SUMF1: variants seen among roughly 807,000 people sequenced by gnomAD.
SUMF1 encodes formylglycine-generating enzyme.
In SUMF1, 48 loss-of-function variants were observed where a neutral mutation model predicts 47.6. That is an observed-to-expected ratio of 1.01 (90% CI 0.80 to 1.28). SUMF1 has a LOEUF of 1.28. SUMF1 is among the 50% of genes most tolerant of loss of function. The probability of loss-of-function intolerance (pLI) is 0.00; values close to 1 mark genes in which losing one functional copy is unlikely to be tolerated. For synonymous variants in SUMF1, 230 were observed against 192.1 expected (o/e 1.20, Z -1.63); for missense variants, 571 against 485.4 (o/e 1.18, Z -1.66).
intron 8 of SUMF1, among the ~76,000 whole-genome samples, chr3:4,323,849 A>C (rs1298680506): frequency 6.6e-6 from 1 of 152,186 alleles, no homozygotes; most frequent in East Asian, 1.9e-4. Context: ...GTGCTCAGTC[A>C]GATAGATAAG....
chr3:4,255,264 A>G (rs1696923460), intron 8 of SUMF1, among the ~76,000 whole-genome samples: 2 of 111,886 alleles, frequency 1.8e-5, no homozygotes, highest in Non-Finnish European at 3.9e-5. Context: ...ACACATAACA[A>G]TATTAACTTT....
At chr3:4,050,584 A>G (rs1482324334) in intron 9 of SUMF1, among the ~76,000 whole-genome samples, 2 of 151,736 alleles carry the variant, frequency 1.3e-5, no homozygotes, top group South Asian at 2.1e-4. Flanking sequence ...TCCACTAAAA[A>G]TACAAAAAAT....
chr3:4,217,090 A>C (rs1695941297), intron 8 of SUMF1, among the ~76,000 whole-genome samples: 1 of 152,166 alleles, frequency 6.6e-6, no homozygotes, highest in South Asian at 2.1e-4. Flanking sequence ...CACTATTCAC[A>C]ATAGCAAAGA....
intron 8 of SUMF1, among the ~76,000 whole-genome samples, chr3:4,105,186 T>C (rs755529182): frequency 2.0e-5 from 3 of 152,052 alleles, no homozygotes; most frequent in African/African-American, 2.4e-5. Context: ...ACAGTCGAAC[T>C]CATAGAAGCA....
At chr3:4,170,794 A>G (rs1694816968) in intron 8 of SUMF1, among the ~76,000 whole-genome samples, 1 of 152,202 alleles carries the variant, frequency 6.6e-6, no homozygotes, top group African/African-American at 2.4e-5. Flanking sequence ...CAACAAAAAA[A>G]CGAACTTTGA....
chr3:4,193,245 T>C (rs1695358363), intron 8 of SUMF1, among the ~76,000 whole-genome samples: 1 of 151,308 alleles, frequency 6.6e-6, no homozygotes, highest in Non-Finnish European at 1.5e-5. Context: ...TTAAATTAAA[T>C]GAATAATGAA....
intron 8 of SUMF1, among the ~76,000 whole-genome samples, chr3:4,305,807 T>A (rs1698167934): frequency 6.6e-6 from 1 of 152,148 alleles, no homozygotes; most frequent in African/African-American, 2.4e-5. Flanking sequence ...AAATCAGAGT[T>A]TAGTCCTCAA....
At chr3:4,385,106 G>C (rs946090113) in intron 7 of SUMF1, among the ~76,000 whole-genome samples, 1 of 151,982 alleles carries the variant, frequency 6.6e-6, no homozygotes, top group African/African-American at 2.4e-5. Flanking sequence ...GGCTGGTCTC[G>C]AACTCCTGAC....
chr3:4,221,988 C>T (rs972142242), intron 8 of SUMF1, among the ~76,000 whole-genome samples: 5 of 151,300 alleles, frequency 3.3e-5, no homozygotes, highest in Non-Finnish European at 7.4e-5. Flanking sequence ...AGAAAAAAAG[C>T]AATTTTCATT....
intron 1 of SUMF1, 136 bp from the exon 2 acceptor site, chr3:4,453,185 A>G (rs1439500656): frequency 9.2e-6 from 8 of 867,908 alleles, no homozygotes; most frequent in African/African-American, 3.3e-5. Context: ...AATTCGGAAA[A>G]ATCTCTCTAT....
At chr3:4,038,242 C>T (rs965001872) in intron 9 of SUMF1, among the ~76,000 whole-genome samples, 11 of 152,068 alleles carry the variant, frequency 7.2e-5, no homozygotes, top group Admixed American at 5.9e-4. Context: ...ATATGCAGGT[C>T]AGCAATCGCT....
intron 3 of SUMF1, among the ~76,000 whole-genome samples, chr3:4,437,954 TA>T (rs1473306378): frequency 1.3e-5 from 2 of 150,046 alleles, no homozygotes; most frequent in South Asian, 4.2e-4. Context: ...AAAAATAAAA[TA>T]AAAAAATAAA....
intron 8 of SUMF1, among the ~76,000 whole-genome samples, chr3:4,138,692 T>A (rs1279215111): frequency 6.6e-6 from 1 of 152,114 alleles, no homozygotes; most frequent in East Asian, 1.9e-4. Flanking sequence ...GTTTCCTATT[T>A]GGGCCCCTTT....
At chr3:4,353,671 TTAA>T (rs1699557608) in intron 8 of SUMF1, among the ~76,000 whole-genome samples, 1 of 152,116 alleles carries the variant, frequency 6.6e-6, no homozygotes, top group East Asian at 1.9e-4. Flanking sequence ...AAACAACATC[TTAA>T]TATTATTATG....
intron 9 of SUMF1, among the ~76,000 whole-genome samples, chr3:4,055,070 T>C (rs1436042725): frequency 6.6e-6 from 1 of 152,190 alleles, no homozygotes; most frequent in Non-Finnish European, 1.5e-5. Context: ...CACTGCGTGT[T>C]GTTGAAACAG....
intron 9 of SUMF1, among the ~76,000 whole-genome samples, chr3:4,052,039 C>T (rs541726089): frequency 6.6e-6 from 1 of 152,226 alleles, no homozygotes; most frequent in African/African-American, 2.4e-5. Flanking sequence ...GCTGCCATAT[C>T]ACCATGCCAA....
At chr3:4,046,958 C>G (rs1695018749) in intron 9 of SUMF1, among the ~76,000 whole-genome samples, 1 of 152,070 alleles carries the variant, frequency 6.6e-6, no homozygotes, top group African/African-American at 2.4e-5. Flanking sequence ...TTTTGCCTCA[C>G]CAACCTCTGT....
chr3:4,432,548 T>A (rs1033209415), intron 3 of SUMF1, among the ~76,000 whole-genome samples: 11 of 152,116 alleles, frequency 7.2e-5, no homozygotes, highest in African/African-American at 2.7e-4. Context: ...TGTTCCTCAA[T>A]CCCTCCCTAC....
chr3:4,307,931 C>G (rs1008256451), intron 8 of SUMF1, among the ~76,000 whole-genome samples: 1 of 152,038 alleles, frequency 6.6e-6, no homozygotes, highest in African/African-American at 2.4e-5. Context: ...TGCCTGTAGT[C>G]CCACCTACTT....
Sources: gnomAD v4.1 joint callset for allele counts (sites outside exome capture counted in the v4.1 genomes callset) on GRCh38, gnomAD v4.1.1 for gene constraint, MANE v1.5 for transcripts, NCBI Gene and HGNC (gene_info 2026-07-23, HGNC 2026-07-21) for gene names.